Variants in ADGRA3 observed in about 807,000 individuals in gnomAD.
The protein encoded by ADGRA3 is adhesion G protein-coupled receptor A3, also known as G-protein coupled receptor 125.
In ADGRA3, 56 loss-of-function variants were observed where a neutral mutation model predicts 119.8. That is an observed-to-expected ratio of 0.47 (90% CI 0.38 to 0.58). The LOEUF (loss-of-function observed/expected upper bound fraction) is 0.58. Among genes scored for constraint, ADGRA3 ranks in the 20% least tolerant of loss-of-function variants. ADGRA3 has a pLI of 0.00. For missense variants in ADGRA3, 1,516 were observed against 1,649.0 expected (o/e 0.92, Z 1.40); for synonymous variants, 607 against 623.8 (o/e 0.97, Z 0.40).
chr4:22,468,037 C>T (rs1717723863), intron 2 of ADGRA3, among the ~76,000 whole-genome samples: 1 of 152,160 alleles, frequency 6.6e-6, no homozygotes, highest in Non-Finnish European at 1.5e-5. Context: ...TCTGGCATTA[C>T]AGGAAATCAA....
rs1253657878 is a variant in ADGRA3, at chr4:22,401,289, ATTGT to A, written c.2481+138_2481+141del. The A allele has an allele frequency of 1.8e-5, 12 of 677,562 alleles. 1 individual carries two copies. Among genetic ancestry groups the A allele is most frequent in the South Asian group, 1.6e-4 (5 of 31,796 alleles). 42.0% of individuals were successfully genotyped at this position (677,562 alleles called of 1,614,324 possible). A position where few individuals can be genotyped will look rare whatever the true frequency, so the allele number is the denominator to read the frequency against. On this transcript the variant is annotated intron_variant, in intron 16 of 18. Transcript: ENST00000334304. ...TTTAAAACAGGAAGTAAACTGGCAGATTGTTTAAGTGACAGACAATAAATTTAAC... is the reference window on the plus strand; with the variant it reads ...TTTAAAACAGGAAGTAAACTGGCAGATTAAGTGACAGACAATAAATTTAAC...
At chr4:22,431,254 C>T (rs1716157878) in intron 10 of ADGRA3, among the ~76,000 whole-genome samples, 1 of 63,892 alleles carries the variant, frequency 1.6e-5, no homozygotes. Flanking sequence ...CAACAGCTTG[C>T]ACTGTGTGCC....
intron 12 of ADGRA3, chr4:22,420,409 T>G (rs543384324): frequency 6.3e-6 from 1 of 159,594 alleles, no homozygotes; most frequent in East Asian, 1.8e-4. Flanking sequence ...ATTTGTGTTT[T>G]CTGCCAAAAA....
At chr4:22,472,148 A>G (rs1488782231) in intron 2 of ADGRA3, among the ~76,000 whole-genome samples, 2 of 152,224 alleles carry the variant, frequency 1.3e-5, no homozygotes, top group Non-Finnish European at 2.9e-5. Context: ...AGACCACACT[A>G]ATGCCTTTCA....
chr4:22,429,896 T>C (rs778240659), intron 10 of ADGRA3, among the ~76,000 whole-genome samples: 1 of 152,110 alleles, frequency 6.6e-6, no homozygotes, highest in Admixed American at 6.5e-5. Context: ...CAAAATCTCA[T>C]CTTGAATTGT....
intron 12 of ADGRA3, among the ~76,000 whole-genome samples, chr4:22,415,667 C>G (rs1715397994): frequency 6.6e-6 from 1 of 152,050 alleles, no homozygotes; most frequent in Non-Finnish European, 1.5e-5. Flanking sequence ...CACAAAATGA[C>G]TTGAAAACAA....
chr4:22,460,990 G>T (rs1226062790), intron 3 of ADGRA3, among the ~76,000 whole-genome samples: 1 of 152,234 alleles, frequency 6.6e-6, no homozygotes, highest in African/African-American at 2.4e-5. Flanking sequence ...CTTCGTATAG[G>T]AGATAGGGGA....
intron 4 of ADGRA3, among the ~76,000 whole-genome samples, chr4:22,449,265 G>A (rs61792026): frequency 0.024 from 3,644 of 148,824 alleles, 81 homozygotes; most frequent in East Asian, 0.072. Context: ...GTGAGACCCC[G>A]TCTCAAAAAA....
chr4:22,501,895 T>C (rs1719059208), intron 1 of ADGRA3, among the ~76,000 whole-genome samples: 1 of 150,168 alleles, frequency 6.7e-6, no homozygotes, highest in South Asian at 2.2e-4. Context: ...TTTTCAACTT[T>C]ATCCCTGAGG....
intron 7 of ADGRA3, among the ~76,000 whole-genome samples, chr4:22,441,807 A>T (rs1716626417): frequency 6.6e-6 from 1 of 152,228 alleles, no homozygotes; most frequent in African/African-American, 2.4e-5. Context: ...ATAAATGAAA[A>T]TATGCTTCTA....
At chr4:22,482,497 A>C (rs1228485912) in intron 1 of ADGRA3, among the ~76,000 whole-genome samples, 2 of 151,770 alleles carry the variant, frequency 1.3e-5, no homozygotes, top group Non-Finnish European at 2.9e-5. Flanking sequence ...CTCTTAAAAA[A>C]AAAAAAAAAG....
chr4:22,454,895 T>C lies in ADGRA3; in HGVS notation c.444A>G (p.Ile148Met). ...NNRIGCLNAD[I>M]FRGLTNLVRL... Reference sequence around the variant, plus strand: ...GAACCAGATTGGTGAGTCCTCGAAATATGTCTGCATTCAGACATCCTATTC... The same window carrying C: ...GAACCAGATTGGTGAGTCCTCGAAACATGTCTGCATTCAGACATCCTATTC... Residue 148 changes from isoleucine to methionine, a missense_variant, in exon 4 of 19, where the codon ATA becomes ATG. Ile to Met is a conservative substitution (Grantham distance 10). Transcript: ENST00000334304. 1 of 1,613,796 alleles carries C rather than the reference T, an allele frequency of 6.2e-7. No homozygotes were observed. Among genetic ancestry groups the C allele is most frequent in the Non-Finnish European group, 8.5e-7 (1 of 1,179,718 alleles).
intron 4 of ADGRA3, among the ~76,000 whole-genome samples, chr4:22,450,543 G>A (rs1716999310): frequency 6.6e-6 from 1 of 152,268 alleles, no homozygotes; most frequent in East Asian, 1.9e-4. Flanking sequence ...GGGATTACGG[G>A]CGTGAGCCAC....
chr4:22,499,337 C>T (rs1718968428), intron 1 of ADGRA3, among the ~76,000 whole-genome samples: 1 of 152,192 alleles, frequency 6.6e-6, no homozygotes, highest in Non-Finnish European at 1.5e-5. Flanking sequence ...AGTTCAAAAA[C>T]CTCGTTTTAC....
rs768631515 is a variant in ADGRA3 at position 22,447,415 on chromosome 4, AAG to A, written c.545+23_545+24del. ...AAAAGACATGAAAATCAAAAAAAAAAAGAGAGAAAAAAATTCTTACTTACAAA... is the reference window on the plus strand; with the variant it reads ...AAAAGACATGAAAATCAAAAAAAAAAAGAGAAAAAAATTCTTACTTACAAA... On this transcript the variant is annotated intron_variant, in intron 5 of 18. Transcript: ENST00000334304. The A allele has an allele frequency of 2.8e-5, 38 of 1,356,046 alleles. 1 individual carries two copies. The highest frequency in any genetic ancestry group is 1.1e-4 in the South Asian group (8 of 71,944). 84.0% of individuals were successfully genotyped at this position (1,356,046 alleles called of 1,614,324 possible).
chr4:22,495,648 C>T (rs750491246), intron 1 of ADGRA3, among the ~76,000 whole-genome samples: 1 of 152,026 alleles, frequency 6.6e-6, no homozygotes, highest in Non-Finnish European at 1.5e-5. Context: ...GTGGCTCACG[C>T]CTGTAATCCC....
intron 10 of ADGRA3, among the ~76,000 whole-genome samples, chr4:22,426,394 C>T (rs1323799997): frequency 6.6e-6 from 1 of 152,168 alleles, no homozygotes; most frequent in Non-Finnish European, 1.5e-5. Flanking sequence ...TCCTTATTCA[C>T]TAGTACAAGA....
chr4:22,431,680 CTG>C (rs1220364688), intron 10 of ADGRA3, among the ~76,000 whole-genome samples: 1 of 152,178 alleles, frequency 6.6e-6, no homozygotes, highest in Non-Finnish European at 1.5e-5. Flanking sequence ...ATGTGCTGAA[CTG>C]TGAGTCAATT....
intron 2 of ADGRA3, among the ~76,000 whole-genome samples, chr4:22,467,206 T>C (rs1717691364): frequency 6.6e-6 from 1 of 152,202 alleles, no homozygotes; most frequent in Non-Finnish European, 1.5e-5. Context: ...AAATTGGTAA[T>C]ATGAAAGATT....
Sources: allele counts gnomAD v4.1 joint callset (sites outside exome capture counted in the v4.1 genomes callset), GRCh38; gene constraint gnomAD v4.1.1; transcripts MANE v1.5; gene names NCBI Gene and HGNC (gene_info 2026-07-23, HGNC 2026-07-21).